Variants in C5 observed in about 807,000 individuals in gnomAD.
The protein encoded by C5 is complement C5.
Under a neutral mutation model 218.8 loss-of-function variants are expected in C5, and 140 were observed. The observed-to-expected ratio is 0.64, with a 90% confidence interval of 0.56 to 0.74. The LOEUF (loss-of-function observed/expected upper bound fraction) is 0.74. Among genes scored for constraint, C5 ranks in the 30% least tolerant of loss-of-function variants. The pLI is 0.00. For missense variants in C5, 1,700 were observed against 1,969.6 expected (o/e 0.86, Z 2.59); for synonymous variants, 614 against 682.3 (o/e 0.90, Z 1.56).
Position 120,993,435 on chromosome 9 carries a change from A to T in C5, c.2852-2155T>A, listed in dbSNP as rs542279900. ...TAACAATAGAGTTATATATATATAT[A>T]TTTTTGAGACGGAGTCTCGCTCTGT... is the stretch of plus-strand genomic sequence containing the variant. On this transcript the variant is annotated intron_variant, in intron 22 of 40. Transcript: ENST00000223642. Among the ~76,000 whole-genome samples, 552 of 152,068 alleles carry T rather than the reference A, an allele frequency of 3.6e-3. 4 individuals carry two copies. Among genetic ancestry groups the T allele is most frequent in the African/African-American group, 0.013 (524 of 41,532 alleles).
chr9:121,000,469 G>A (rs886578830), intron 20 of C5, among the ~76,000 whole-genome samples: 1 of 152,030 alleles, frequency 6.6e-6, no homozygotes, highest in African/African-American at 2.4e-5. Context: ...ACAGAGGAGA[G>A]AATCTATAAA....
At chr9:121,061,754 A>T in the C5 span, among the ~76,000 whole-genome samples, 2 of 152,234 alleles carry the variant, frequency 1.3e-5, no homozygotes, top group Non-Finnish European at 2.9e-5. Context: ...CCAAAATTAC[A>T]CCATTTGTAT....
Position 121,015,265 on chromosome 9 carries a change from G to GT in C5, c.1997-5dup. The GT allele has an allele frequency of 3.1e-6, 5 of 1,592,340 alleles. No homozygotes were observed. The highest frequency in any genetic ancestry group is 2.2e-5 in the South Asian group (2 of 90,088). The stretch of plus-strand genomic sequence containing the variant: ...AGAATTTCTTTACAAGGTTCATCTG[G>GT]TTTTTTTAAAAAAAGATAAAGAAGA... On this transcript the variant is annotated splice_region_variant and splice_polypyrimidine_tract_variant and intron_variant, in intron 15 of 40. Coordinates refer to ENST00000223642, the MANE Select transcript of C5 (RefSeq NM_001735.3).
chr9:120,963,452 G>T (rs996893007), intron 34 of C5, among the ~76,000 whole-genome samples, 184 bp downstream of exon 34: 1 of 151,480 alleles, frequency 6.6e-6, no homozygotes, highest in South Asian at 2.1e-4. Context: ...GTTGCAATGA[G>T]CCAAGACTGC....
intron 7 of C5, among the ~76,000 whole-genome samples, chr9:121,028,952 A>C (rs1361994194): frequency 6.6e-6 from 1 of 152,186 alleles, no homozygotes; most frequent in Non-Finnish European, 1.5e-5. Context: ...CACAAGACTT[A>C]GAATCAGGGC....
chr9:121,045,797 C>T (rs1171189083), intron 2 of C5, among the ~76,000 whole-genome samples: 2 of 152,092 alleles, frequency 1.3e-5, no homozygotes, highest in African/African-American at 2.4e-5. Context: ...AGAGTTCAAT[C>T]GAATGTTCAA....
At chr9:120,955,365 A>G (rs1402464402) in intron 39 of C5, among the ~76,000 whole-genome samples, 2 of 152,234 alleles carry the variant, frequency 1.3e-5, no homozygotes, top group African/African-American at 2.4e-5. Context: ...GTAGCTTGGG[A>G]ACCATCCGAT....
intron 1 of C5, among the ~76,000 whole-genome samples, chr9:121,048,080 G>GCAGC (rs2047642904): frequency 6.6e-6 from 1 of 152,128 alleles, no homozygotes; most frequent in African/African-American, 2.4e-5. Flanking sequence ...TCGAACCTGA[G>GCAGC]CAGCCCGTTT....
At chr9:121,046,474 T>C (rs1468812573) in intron 1 of C5, 91 bp from the exon 2 acceptor site, 8 of 852,878 alleles carry the variant, frequency 9.4e-6, no homozygotes, top group Non-Finnish European at 1.6e-5. Flanking sequence ...AGAGATTCCA[T>C]TTAAAATACA....
rs925628402 is a variant in C5 at position 120,989,565 on chromosome 9, T to C, written c.3154+3A>G. 5 of 1,564,868 alleles carry C rather than the reference T, an allele frequency of 3.2e-6. No individual in the cohort carries two copies. Among genetic ancestry groups the C allele is most frequent in the East Asian group, 2.2e-5 (1 of 44,586 alleles). On this transcript the variant is annotated splice_donor_region_variant and intron_variant, in intron 24 of 40. Coordinates refer to ENST00000223642, the MANE Select transcript of C5 (RefSeq NM_001735.3). ...TTTTATGTGAAATACTTTTTTTTTT[T>C]ACCTTCTTTTAATTTTTTCTTCAGT...
chr9:120,990,466 G>A (rs1208552275), intron 23 of C5, among the ~76,000 whole-genome samples: 1 of 152,208 alleles, frequency 6.6e-6, no homozygotes, highest in Non-Finnish European at 1.5e-5. Flanking sequence ...TAATCACCAA[G>A]GTGATAGTAT....
chr9:121,017,213 C>T, intron 14 of C5, 149 bp downstream of exon 14: 1 of 838,162 alleles, frequency 1.2e-6, no homozygotes, highest in Non-Finnish European at 1.9e-6. Flanking sequence ...GCTTTGGGAG[C>T]TGACAGGAGG....
intron 25 of C5, 102 bp downstream of exon 25, chr9:120,988,944 C>T (rs1348702616): frequency 2.3e-6 from 2 of 865,098 alleles, no homozygotes; most frequent in African/African-American, 3.3e-5. Flanking sequence ...GATGACGAGG[C>T]TTTTAGCCTG....
chr9:121,073,738 T>C, the C5 span, among the ~76,000 whole-genome samples: 1 of 152,114 alleles, frequency 6.6e-6, no homozygotes, highest in Non-Finnish European at 1.5e-5. Context: ...GATCTTGAAT[T>C]CCTGACCTCA....
the C5 span, among the ~76,000 whole-genome samples, chr9:121,064,167 A>G: frequency 6.7e-6 from 1 of 149,490 alleles, no homozygotes; most frequent in East Asian, 2.0e-4. Flanking sequence ...TCTATTTCTC[A>G]TTTCCATTTC....
At chr9:121,054,778 A>C (rs1195326363), upstream of C5, among the ~76,000 whole-genome samples, 1 of 152,194 alleles carries the variant, frequency 6.6e-6, no homozygotes. Flanking sequence ...TTTGTGAGTG[A>C]GATTTGCATC....
At chr9:120,993,904 T>C (rs1357716033) in intron 22 of C5, among the ~76,000 whole-genome samples, 1 of 152,040 alleles carries the variant, frequency 6.6e-6, no homozygotes, top group East Asian at 1.9e-4. Context: ...GGAATGGGAA[T>C]GGGGTCCGGG....
intron 34 of C5, among the ~76,000 whole-genome samples, 172 bp downstream of exon 34, chr9:120,963,464 T>A (rs2046842576): frequency 6.6e-6 from 1 of 150,454 alleles, no homozygotes; most frequent in Non-Finnish European, 1.5e-5. Context: ...CAAGACTGCA[T>A]CACACTCCAG....
chr9:121,050,482 G>A (rs2047663971), upstream of C5, among the ~76,000 whole-genome samples: 1 of 152,136 alleles, frequency 6.6e-6, no homozygotes, highest in Non-Finnish European at 1.5e-5. Context: ...TACAAATAAA[G>A]GGACCCTAAA....
Sources: gnomAD v4.1 joint callset for allele counts (sites outside exome capture counted in the v4.1 genomes callset) on GRCh38, gnomAD v4.1.1 for gene constraint, MANE v1.5 for transcripts, NCBI Gene and HGNC (gene_info 2026-07-23, HGNC 2026-07-21) for gene names.